The following CTNNBL1 variants were observed in gnomAD, a reference collection of about 807,000 sequenced individuals.
CTNNBL1 encodes beta-catenin-like protein 1.
A neutral mutation model predicts 72.7 loss-of-function variants in CTNNBL1; 31 were observed. The ratio of observed to expected loss-of-function variants is 0.43; its 90% CI spans 0.32 to 0.58. The LOEUF is 0.58. CTNNBL1 is among the 20% of genes least tolerant of loss of function. The pLI, the probability that CTNNBL1 is intolerant of heterozygous loss-of-function variation, is 0.08. For missense variants in CTNNBL1, 534 were observed against 725.1 expected, an observed-to-expected ratio of 0.74 and a Z score of 3.03; for synonymous variants, 240 against 267.3, an observed-to-expected ratio of 0.90 and a Z score of 1.00.
chr20:37,848,172 C>T (rs1396912660), intron 13 of CTNNBL1, among the ~76,000 whole-genome samples: 3 of 123,098 alleles, frequency 2.4e-5, no homozygotes, highest in African/African-American at 9.3e-5. Context: ...TTTTTTGAGA[C>T]AGGATCTCAT....
chr20:37,718,439 G>C (rs1185055288), intron 1 of CTNNBL1, among the ~76,000 whole-genome samples: 1 of 130,426 alleles, frequency 7.7e-6, no homozygotes, highest in Non-Finnish European at 1.6e-5. Flanking sequence ...CCTCCCGGAC[G>C]GGGTGGCTGG....
At chr20:37,832,946 T>C (rs530800470) in intron 11 of CTNNBL1, among the ~76,000 whole-genome samples, 5 of 152,296 alleles carry the variant, frequency 3.3e-5, no homozygotes, top group Admixed American at 6.5e-5. Flanking sequence ...CAAGCGTTCT[T>C]AACTAAAGAG....
intron 11 of CTNNBL1, among the ~76,000 whole-genome samples, chr20:37,831,797 G>A (rs1390094817): frequency 6.6e-6 from 1 of 152,164 alleles, no homozygotes; most frequent in African/African-American, 2.4e-5. Flanking sequence ...TTGAGAAAAG[G>A]GAGGGCTGGT....
At position 37,694,053 on chromosome 20, in the gene CTNNBL1, A is replaced by C. The variant is rs1568739101; in HGVS notation, c.-70A>C. ...CCGCACTTTACGGCAGTGTGGCTGG[A>C]GCCGCGGCTGACGGGCCCGCGGTCT... On this transcript the variant is annotated 5_prime_UTR_variant, in exon 1 of 16. Transcript: ENST00000361383. 4 of 1,534,890 alleles carry C rather than the reference A, an allele frequency of 2.6e-6. No homozygotes were observed. Among genetic ancestry groups the C allele is most frequent in the Non-Finnish European group, 1.8e-6 (2 of 1,129,006 alleles).
At chr20:37,835,186 A>G (rs999796196) in intron 11 of CTNNBL1, among the ~76,000 whole-genome samples, 1 of 152,190 alleles carries the variant, frequency 6.6e-6, no homozygotes, top group African/African-American at 2.4e-5. Flanking sequence ...GGATACCCAA[A>G]TCGTTGGCAA....
In CTNNBL1 at chr20:37,781,719, G is replaced by GC. The variant is rs1738939682; in HGVS notation, c.1031+2386dup. Among the ~76,000 whole-genome samples the GC allele has an allele frequency of 2.6e-5, 4 of 152,224 alleles. No homozygotes were observed. The South Asian group carries it at 8.3e-4, about 32-fold the overall frequency. ...CCTTTCTGATCTTCTAGTAAGAGCT[G>GC]CCAGGTGGCTCTTTGTCTAGAGAGA... On this transcript the variant is annotated intron_variant, in intron 10 of 15. Coordinates refer to ENST00000361383, the MANE Select transcript of CTNNBL1 (RefSeq NM_030877.5).
At chr20:37,808,004 G>A (rs1207257579) in intron 11 of CTNNBL1, among the ~76,000 whole-genome samples, 4 of 152,162 alleles carry the variant, frequency 2.6e-5, no homozygotes, top group African/African-American at 9.7e-5. Context: ...CATTAGGTAT[G>A]TGAGTTATTG....
chr20:37,739,762 C>T (rs972533650), intron 3 of CTNNBL1, among the ~76,000 whole-genome samples: 5 of 152,152 alleles, frequency 3.3e-5, no homozygotes, highest in African/African-American at 7.2e-5. Flanking sequence ...AGGAGATGGA[C>T]GGTGTCTTGT....
rs553082475 is a variant in CTNNBL1 at position 37,715,365 on chromosome 20, G to A, written c.31-17514G>A. Among the ~76,000 whole-genome samples the A allele has an allele frequency of 1.3e-3, 199 of 152,298 alleles. 1 individual carries two copies. Among genetic ancestry groups the A allele is most frequent in the Middle Eastern group, 6.8e-3 (2 of 294 alleles). On this transcript the variant is annotated intron_variant, in intron 1 of 15. Coordinates refer to ENST00000361383, the MANE Select transcript of CTNNBL1 (RefSeq NM_030877.5). ...TATCACCTACCTAGAAGAGTTGTGT[G>A]AAGGTTAAAAAGATAATGAAAATGT...
intron 11 of CTNNBL1, among the ~76,000 whole-genome samples, chr20:37,808,278 T>C (rs2071977944): frequency 6.6e-6 from 1 of 152,180 alleles, no homozygotes; most frequent in Middle Eastern, 3.2e-3. Flanking sequence ...GCCTTGTGTA[T>C]CTTCCTAACA....
chr20:37,845,473 C>T (rs143549312), intron 13 of CTNNBL1, among the ~76,000 whole-genome samples: 9 of 152,286 alleles, frequency 5.9e-5, no homozygotes, highest in Middle Eastern at 3.4e-3. Flanking sequence ...ATGCCAAGGC[C>T]GTTTTGCTGG....
intron 5 of CTNNBL1, among the ~76,000 whole-genome samples, chr20:37,761,745 A>G (rs1351112359): frequency 6.6e-6 from 1 of 152,250 alleles, no homozygotes; most frequent in Non-Finnish European, 1.5e-5. Context: ...TAAGAGAATT[A>G]AAATAGAGTG....
Position 37,859,972 on chromosome 20 carries a change from G to A in CTNNBL1, c.1466G>A (p.Gly489Glu), listed in dbSNP as rs1034299428. 1 of 1,614,146 alleles carries A rather than the reference G, an allele frequency of 6.2e-7. No homozygotes were observed. Among genetic ancestry groups the A allele is most frequent in the Non-Finnish European group, 8.5e-7 (1 of 1,180,034 alleles). The part of the protein sequence containing the change: ...EEFYLRRLDA[G>E]LFVLQHICYI... ...TTCTACCTCCGGCGCCTGGATGCGG[G>A]GCTCTTTGTTCTCCAGCACATCTGC... The change falls in exon 14 of 16, where the codon GGG becomes GAG. Residue 489 changes from glycine (G) to glutamate (E), a missense_variant. Coordinates refer to ENST00000361383, the MANE Select transcript of CTNNBL1 (RefSeq NM_030877.5).
intron 3 of CTNNBL1, among the ~76,000 whole-genome samples, chr20:37,744,875 A>T (rs1039939319): frequency 6.6e-6 from 1 of 152,214 alleles, no homozygotes; most frequent in African/African-American, 2.4e-5. Flanking sequence ...ACAGGCAAAC[A>T]TACATGGTAT....
intron 1 of CTNNBL1, among the ~76,000 whole-genome samples, chr20:37,721,026 C>T (rs2122577561): frequency 6.6e-6 from 1 of 152,336 alleles, no homozygotes; most frequent in South Asian, 2.1e-4. Context: ...AGTAGCACTT[C>T]TCTAGCTGCA....
At chr20:37,737,111 C>G (rs546194230) in intron 2 of CTNNBL1, among the ~76,000 whole-genome samples, 1 of 152,222 alleles carries the variant, frequency 6.6e-6, no homozygotes, top group East Asian at 1.9e-4. Context: ...GTAGTCCCAG[C>G]TACTCGGTAA....
At chr20:37,737,339 C>T (rs2073179782) in intron 2 of CTNNBL1, 39 bp from the exon 3 acceptor site, 1 of 1,418,824 alleles carries the variant, frequency 7.0e-7, no homozygotes, top group African/African-American at 1.4e-5. Flanking sequence ...TGTGAAACCC[C>T]TGTGGACTGA....
chr20:37,799,940 G>A (rs2073809992), intron 10 of CTNNBL1, among the ~76,000 whole-genome samples: 1 of 152,192 alleles, frequency 6.6e-6, no homozygotes, highest in Non-Finnish European at 1.5e-5. Context: ...AGGATGGCCT[G>A]TAGCTCCAAG....
chr20:37,779,475 T>TG (rs1210193494), intron 10 of CTNNBL1, 140 bp downstream of exon 10: 9 of 872,394 alleles, frequency 1.0e-5, no homozygotes, highest in South Asian at 1.7e-5. Flanking sequence ...TCTTCAGGCA[T>TG]GGGGGGATGT....
Sources: gnomAD v4.1 joint callset for allele counts (sites outside exome capture counted in the v4.1 genomes callset) on GRCh38, gnomAD v4.1.1 for gene constraint, MANE v1.5 for transcripts, NCBI Gene and HGNC (gene_info 2026-07-23, HGNC 2026-07-21) for gene names.